NRG3: variants seen among roughly 807,000 people sequenced by gnomAD.
The protein encoded by NRG3 is pro-neuregulin-3, membrane-bound isoform.
In NRG3, 31 loss-of-function variants were observed where a neutral mutation model predicts 66.9. The observed-to-expected ratio is 0.46, with a 90% CI of 0.35 to 0.63. The LOEUF (loss-of-function observed/expected upper bound fraction) is 0.63, where lower values mean the gene tolerates loss of function less well. NRG3 is among the 20% of genes least tolerant of loss of function. NRG3 has a pLI of 0.00. For missense variants in NRG3, 910 were observed against 878.9 expected (o/e 1.04, Z -0.45); for synonymous variants, 393 against 359.4 (o/e 1.09, Z -1.06).
intron 1 of NRG3, among the ~76,000 whole-genome samples, chr10:82,091,679 A>T (rs1053925999): frequency 6.6e-6 from 1 of 152,198 alleles, no homozygotes; most frequent in African/African-American, 2.4e-5. Flanking sequence ...ATGCCAAAAA[A>T]TTGAATTGCT....
At chr10:82,950,721 G>A (rs922291052) in intron 4 of NRG3, among the ~76,000 whole-genome samples, 2 of 152,184 alleles carry the variant, frequency 1.3e-5, no homozygotes, top group Admixed American at 1.3e-4. Context: ...AGAAACTGCT[G>A]GGTTCTACGG....
At chr10:82,237,042 A>G (rs1340166982) in intron 1 of NRG3, among the ~76,000 whole-genome samples, 6 of 152,162 alleles carry the variant, frequency 3.9e-5, no homozygotes, top group African/African-American at 1.4e-4. Context: ...TTAAACACAT[A>G]TATCAGACAA....
At chr10:82,852,497 TA>T (rs898755590) in intron 3 of NRG3, among the ~76,000 whole-genome samples, 30 of 150,964 alleles carry the variant, frequency 2.0e-4, no homozygotes, top group East Asian at 9.7e-4. Flanking sequence ...ATACAGCTAT[TA>T]AAAAAAAAGA....
intron 1 of NRG3, among the ~76,000 whole-genome samples, chr10:82,156,528 T>C (rs2071199367): frequency 6.6e-6 from 1 of 151,692 alleles, no homozygotes. Flanking sequence ...CCTCCTATTA[T>C]TAGTGCCATG....
At chr10:82,738,078 T>TAA (rs35993172) in intron 2 of NRG3, among the ~76,000 whole-genome samples, 258 of 147,696 alleles carry the variant, frequency 1.7e-3, no homozygotes, top group African/African-American at 4.9e-3. Flanking sequence ...ACTAAGAGGT[T>TAA]AAAAAAAAAA....
chr10:82,202,940 A>G (rs1292388282), intron 1 of NRG3, among the ~76,000 whole-genome samples: 4 of 152,196 alleles, frequency 2.6e-5, no homozygotes, highest in Non-Finnish European at 5.9e-5. Context: ...GTGGACAACA[A>G]GCTGTTCACT....
intron 1 of NRG3, among the ~76,000 whole-genome samples, chr10:81,969,180 T>G (rs1454930094): frequency 6.6e-6 from 1 of 152,048 alleles, no homozygotes; most frequent in Non-Finnish European, 1.5e-5. Flanking sequence ...AGTTTTCCTG[T>G]CTCCCCTGCC....
intron 2 of NRG3, among the ~76,000 whole-genome samples, chr10:82,731,567 T>G (rs2264403): frequency 0.81 from 118,768 of 147,398 alleles, 46,536 homozygotes; most frequent in African/African-American, 0.81. Context: ...TGCCTTCCAG[T>G]TTCATTCATG....
At chr10:82,380,677 C>T (rs528623728) in intron 2 of NRG3, among the ~76,000 whole-genome samples, 19 of 152,160 alleles carry the variant, frequency 1.2e-4, no homozygotes, top group African/African-American at 4.1e-4. Context: ...ACCTATTTGA[C>T]GGGAAAAACA....
intron 1 of NRG3, among the ~76,000 whole-genome samples, chr10:82,013,857 T>G (rs2132663376): frequency 6.6e-6 from 1 of 152,218 alleles, no homozygotes; most frequent in South Asian, 2.1e-4. Flanking sequence ...ATAATGACAA[T>G]TTATTCGTAT....
intron 4 of NRG3, among the ~76,000 whole-genome samples, chr10:82,944,124 G>T (rs1848801310): frequency 6.6e-6 from 1 of 152,084 alleles, no homozygotes; most frequent in African/African-American, 2.4e-5. Context: ...CTACACCTGG[G>T]TCTATAAATT....
At chr10:82,765,262 C>T (rs2059472032) in intron 3 of NRG3, among the ~76,000 whole-genome samples, 1 of 151,978 alleles carries the variant, frequency 6.6e-6, no homozygotes, top group Admixed American at 6.6e-5. Flanking sequence ...GTATAAAATT[C>T]AATTATTTTT....
chr10:82,780,334 C>T (rs2060069233), intron 3 of NRG3, among the ~76,000 whole-genome samples: 1 of 152,200 alleles, frequency 6.6e-6, no homozygotes, highest in African/African-American at 2.4e-5. Flanking sequence ...TACACTCCCA[C>T]CCACAGTGTA....
chr10:82,055,178 G>A (rs1012289728), intron 1 of NRG3, among the ~76,000 whole-genome samples: 2 of 151,888 alleles, frequency 1.3e-5, no homozygotes, highest in Non-Finnish European at 2.9e-5. Context: ...TGGTGATCTT[G>A]ATGAAAAAAG....
At chr10:82,508,959 T>C (rs936313884) in intron 2 of NRG3, among the ~76,000 whole-genome samples, 49 of 152,212 alleles carry the variant, frequency 3.2e-4, no homozygotes, top group African/African-American at 9.9e-4. Flanking sequence ...AGTGATCTTA[T>C]ACACTTACAA....
intron 2 of NRG3, among the ~76,000 whole-genome samples, chr10:82,411,191 C>G (rs556212614): frequency 6.6e-6 from 1 of 152,072 alleles, no homozygotes; most frequent in South Asian, 2.1e-4. Flanking sequence ...GCTGGGATTA[C>G]AGGGGATTAC....
chr10:82,591,348 T>C (rs2046972630), intron 2 of NRG3, among the ~76,000 whole-genome samples: 1 of 152,176 alleles, frequency 6.6e-6, no homozygotes, highest in Admixed American at 6.5e-5. Context: ...TGATACAAAA[T>C]ACTAATGCAA....
At chr10:82,722,254 C>A (rs931175984) in intron 2 of NRG3, among the ~76,000 whole-genome samples, 1 of 152,184 alleles carries the variant, frequency 6.6e-6, no homozygotes, top group Non-Finnish European at 1.5e-5. Flanking sequence ...TTTCTTCTAT[C>A]TCCACAATTC....
intron 1 of NRG3, among the ~76,000 whole-genome samples, chr10:82,020,603 T>A (rs1049500855): frequency 1.3e-5 from 2 of 152,110 alleles, no homozygotes; most frequent in Admixed American, 6.6e-5. Flanking sequence ...TTCATAATCC[T>A]AAACTGGTTA....
Sources: gnomAD v4.1 joint callset for allele counts (sites outside exome capture counted in the v4.1 genomes callset) on GRCh38, gnomAD v4.1.1 for gene constraint, MANE v1.5 for transcripts, NCBI Gene and HGNC (gene_info 2026-07-23, HGNC 2026-07-21) for gene names.